Variants in ST18 observed in about 807,000 individuals in gnomAD.
The protein encoded by ST18 is suppression of tumorigenicity 18 protein.
In ST18, 50 loss-of-function variants were observed where a neutral mutation model predicts 110.0. The observed-to-expected ratio is 0.45, with a 90% CI of 0.36 to 0.58. The LOEUF (loss-of-function observed/expected upper bound fraction) is 0.58. ST18 is among the 20% of genes least tolerant of loss of function. The probability of loss-of-function intolerance (pLI) is 0.00; values close to 1 mark genes in which losing one functional copy is unlikely to be tolerated. For missense variants in ST18, 1,306 were observed against 1,280.1 expected (o/e 1.02, Z -0.31); for synonymous variants, 461 against 452.4 (o/e 1.02, Z -0.24).
chr8:52,255,429 C>A (rs2094495923), intron 2 of ST18, among the ~76,000 whole-genome samples: 1 of 152,188 alleles, frequency 6.6e-6, no homozygotes, highest in Admixed American at 6.5e-5. Flanking sequence ...GAATGACTGT[C>A]AAACGGCCCA....
chr8:52,257,430 T>A (rs954218407), intron 2 of ST18, among the ~76,000 whole-genome samples: 5 of 152,172 alleles, frequency 3.3e-5, no homozygotes, highest in African/African-American at 1.2e-4. Flanking sequence ...TTTCTCTCTA[T>A]CCTCACCAAC....
At chr8:52,175,311 T>G (rs2066490602) in intron 9 of ST18, among the ~76,000 whole-genome samples, 1 of 152,060 alleles carries the variant, frequency 6.6e-6, no homozygotes, top group Non-Finnish European at 1.5e-5. Context: ...ATGGGCTTAG[T>G]TTTTTACCTA....
intron 2 of ST18, among the ~76,000 whole-genome samples, chr8:52,375,745 C>A (rs991635932): frequency 2.0e-5 from 3 of 152,210 alleles, no homozygotes; most frequent in African/African-American, 7.2e-5. Flanking sequence ...TCCACACTCA[C>A]ATCGACTGCC....
intron 2 of ST18, among the ~76,000 whole-genome samples, chr8:52,385,306 G>C (rs182964996): frequency 1.3e-5 from 2 of 152,136 alleles, no homozygotes; most frequent in African/African-American, 4.8e-5. Flanking sequence ...CTAAGCATGA[G>C]AGATGAAACG....
At position 52,317,436 on chromosome 8, in the gene ST18, G is replaced by A. The variant is rs142767187; in HGVS notation, c.-464-87359C>T. ...AACAAAGATCCACCCTAGAGCCTTC[G>A]GAGGGAGCATGGCCCTGCCAACACC... On this transcript the variant is annotated intron_variant, in intron 2 of 25. Coordinates refer to ENST00000689386, the MANE Select transcript of ST18 (RefSeq NM_001352837.2). Among the ~76,000 whole-genome samples, 919 of 152,286 alleles carry A rather than the reference G, an allele frequency of 6.0e-3. 7 individuals are homozygous for A. The highest frequency in any genetic ancestry group is 0.021 in the African/African-American group (870 of 41,542).
intron 2 of ST18, among the ~76,000 whole-genome samples, chr8:52,316,859 T>C (rs1191224649): frequency 6.6e-6 from 1 of 152,216 alleles, no homozygotes; most frequent in Admixed American, 6.5e-5. Flanking sequence ...GAACCATGCA[T>C]GAAAGTAGTG....
chr8:52,201,286 C>T (rs1050380325), intron 8 of ST18: 16 of 152,152 alleles, frequency 1.1e-4, no homozygotes, highest in African/African-American at 3.6e-4. Flanking sequence ...CTTCCAAAGA[C>T]CAGGAGGATG....
chr8:52,161,811 C>G (rs2061526538), intron 13 of ST18, among the ~76,000 whole-genome samples: 1 of 152,182 alleles, frequency 6.6e-6, no homozygotes, highest in South Asian at 2.1e-4. Context: ...TCCTAGTCCT[C>G]CCATCAGCAA....
chr8:52,157,946 G>A (rs568665768), intron 15 of ST18, among the ~76,000 whole-genome samples: 1 of 152,386 alleles, frequency 6.6e-6, no homozygotes, highest in South Asian at 2.1e-4. Flanking sequence ...TCCACATAAA[G>A]CAGGGTAACA....
chr8:52,383,432 AT>A (rs1057127458), intron 2 of ST18, among the ~76,000 whole-genome samples: 30 of 152,084 alleles, frequency 2.0e-4, no homozygotes, highest in Non-Finnish European at 2.9e-4. Flanking sequence ...AGTCATTTTT[AT>A]TTTTTTATTT....
intron 25 of ST18, among the ~76,000 whole-genome samples, chr8:52,115,875 T>C (rs1430123641): frequency 6.6e-6 from 1 of 152,156 alleles, no homozygotes; most frequent in Non-Finnish European, 1.5e-5. Flanking sequence ...CCATTGGGAA[T>C]TGAACATTTT....
At chr8:52,148,705 G>T (rs1428739853) in intron 16 of ST18, among the ~76,000 whole-genome samples, 1 of 150,440 alleles carries the variant, frequency 6.6e-6, no homozygotes, top group Non-Finnish European at 1.5e-5. Flanking sequence ...AGGGGAGGAG[G>T]GGAGGGGAGG....
chr8:52,113,232 C>G lies in ST18; in HGVS notation c.3110G>C (p.Ser1037Thr). Residue 1037 changes from serine (S) to threonine (T), a missense_variant, in exon 26 of 26, where the codon AGT becomes ACT. Physicochemically the swap from Ser to Thr is moderately conservative, Grantham distance 58. Transcript: ENST00000689386. Reference sequence around the variant, plus strand: ...GATACCCTTCACTGCCTGTTTGATACTTTCCAGTAGAGCTTTGCATTCCGG... The same window carrying G: ...GATACCCTTCACTGCCTGTTTGATAGTTTCCAGTAGAGCTTTGCATTCCGG... ...YSPECKALLE[S>T]IKQAVKGIHV 6.2e-7 allele frequency: 1 copy of G among 1,614,134 alleles called. No individual in the cohort carries two copies. Among genetic ancestry groups the G allele is most frequent in the Non-Finnish European group, 8.5e-7 (1 of 1,179,974 alleles).
At chr8:52,376,289 A>G (rs1832342154) in intron 2 of ST18, among the ~76,000 whole-genome samples, 1 of 151,742 alleles carries the variant, frequency 6.6e-6, no homozygotes, top group Non-Finnish European at 1.5e-5. Flanking sequence ...TTTCCACTCC[A>G]CCTACACACA....
intron 8 of ST18, chr8:52,201,477 C>T (rs1250360957): frequency 6.6e-6 from 1 of 152,244 alleles, no homozygotes; most frequent in Non-Finnish European, 1.5e-5. Context: ...GGGTTCACTC[C>T]CCTGCCCTGA....
intron 2 of ST18, among the ~76,000 whole-genome samples, chr8:52,334,923 C>T (rs1371126489): frequency 6.6e-6 from 1 of 152,180 alleles, no homozygotes; most frequent in African/African-American, 2.4e-5. Context: ...TCTGTCACCA[C>T]CGTCCCTTTT....
intron 25 of ST18, 80 bp from the exon 26 acceptor site, chr8:52,113,418 C>A: frequency 6.4e-7 from 1 of 1,557,184 alleles, no homozygotes; most frequent in South Asian, 1.2e-5. Flanking sequence ...CATCGAAGAT[C>A]AGTGATCCGG....
chr8:52,133,434 G>A (rs2050599067), intron 19 of ST18, 133 bp from the exon 20 acceptor site: 2 of 962,912 alleles, frequency 2.1e-6, no homozygotes, highest in South Asian at 2.9e-5. Context: ...GAGGGAGGCG[G>A]GGTCACACAG....
intron 2 of ST18, among the ~76,000 whole-genome samples, chr8:52,267,494 A>AC (rs1273971298): frequency 2.6e-5 from 4 of 151,094 alleles, no homozygotes; most frequent in East Asian, 1.9e-4. Context: ...AAAAAAAAAA[A>AC]AAAAAAAAAA....
Sources: allele counts gnomAD v4.1 joint callset (sites outside exome capture counted in the v4.1 genomes callset), GRCh38; gene constraint gnomAD v4.1.1; transcripts MANE v1.5; gene names NCBI Gene and HGNC (gene_info 2026-07-23, HGNC 2026-07-21).